The following PRKG2 variants were observed in gnomAD, a reference collection of about 807,000 sequenced individuals.
PRKG2 encodes the protein protein kinase cGMP-dependent 2, also known as cGMP-dependent protein kinase 2.
Under a neutral mutation model 97.2 loss-of-function variants are expected in PRKG2, and 33 were observed. That is an observed-to-expected ratio of 0.34 (90% CI 0.26 to 0.45). The LOEUF is 0.45. PRKG2 is among the 20% of genes least tolerant of loss of function. The probability of loss-of-function intolerance (pLI) is 1.00; values close to 1 mark genes in which losing one functional copy is unlikely to be tolerated. For missense variants in PRKG2, 638 were observed against 900.0 expected (o/e 0.71, Z 3.73); for synonymous variants, 330 against 321.8 (o/e 1.03, Z -0.27).
In PRKG2 at chr4:81,204,973, A is replaced by G. The variant is rs1348279069; in HGVS notation, c.75T>C (p.Ala25=). ...DGHSGNLTTD[A]LRNKVTELER... is the part of the protein sequence containing the mutation. ...CCAGCTCTGTCACCTTGTTCCGCAG[A>G]GCATCAGTGGTGAGGTTCCCAGAGT... The change falls in exon 2 of 19, where the codon GCT becomes GCC. Residue 25 remains alanine (A), a synonymous_variant. Transcript: ENST00000264399. 6.8e-6 allele frequency: 11 copies of G among 1,613,944 alleles called. No individual in the cohort carries two copies. The highest frequency in any genetic ancestry group is 9.3e-6 in the Non-Finnish European group (11 of 1,180,022).
At chr4:81,126,447 G>T (rs13164824) in intron 14 of PRKG2, among the ~76,000 whole-genome samples, 4 of 152,156 alleles carry the variant, frequency 2.6e-5, no homozygotes, top group African/African-American at 9.7e-5. Context: ...TTGAGGAATC[G>T]CCATACTGTC....
intron 9 of PRKG2, among the ~76,000 whole-genome samples, chr4:81,148,135 T>C (rs1251381974): frequency 1.6e-4 from 24 of 152,200 alleles, no homozygotes; most frequent in Admixed American, 1.6e-3. Context: ...GTCAACTATA[T>C]ACTACCTTGT....
intron 14 of PRKG2, among the ~76,000 whole-genome samples, chr4:81,120,185 T>C (rs1024689565): frequency 3.9e-5 from 6 of 152,206 alleles, no homozygotes; most frequent in Non-Finnish European, 5.9e-5. Flanking sequence ...TGCTGAATGT[T>C]CAAACTGTGT....
chr4:81,161,513 A>C (rs1452347494), intron 6 of PRKG2, among the ~76,000 whole-genome samples: 2 of 152,176 alleles, frequency 1.3e-5, no homozygotes, highest in African/African-American at 2.4e-5. Flanking sequence ...ATGGAGCTCA[A>C]GGTATCAATA....
chr4:81,090,173 T>C (rs1741401767), intron 18 of PRKG2, among the ~76,000 whole-genome samples: 1 of 152,102 alleles, frequency 6.6e-6, no homozygotes, highest in Non-Finnish European at 1.5e-5. Context: ...GCCTGGCCAA[T>C]GTGGTGAAAC....
intron 2 of PRKG2, among the ~76,000 whole-genome samples, chr4:81,196,944 G>A (rs1374410221): frequency 4.6e-5 from 7 of 152,124 alleles, no homozygotes; most frequent in African/African-American, 1.4e-4. Context: ...CACAAAGAAC[G>A]GACTTCCAAA....
intron 17 of PRKG2, among the ~76,000 whole-genome samples, chr4:81,097,323 C>T (rs527601325): frequency 6.6e-5 from 10 of 152,186 alleles, no homozygotes; most frequent in East Asian, 1.9e-4. Flanking sequence ...TATTTTATTC[C>T]GAGCAGGAGG....
At chr4:81,089,937 T>C in intron 18 of PRKG2, 134 bp from the exon 19 acceptor site, 1 of 687,820 alleles carries the variant, frequency 1.5e-6, no homozygotes, top group Middle Eastern at 3.9e-4. Context: ...AAGAAAAAAA[T>C]GACCAATTAT....
intron 1 of PRKG2, among the ~76,000 whole-genome samples, chr4:81,207,346 A>C (rs1006067802): frequency 7.2e-5 from 11 of 152,194 alleles, no homozygotes; most frequent in African/African-American, 2.7e-4. Context: ...TGGTAGGAGG[A>C]AAAGGATTTG....
chr4:81,161,970 A>G (rs1038802864), intron 6 of PRKG2, among the ~76,000 whole-genome samples: 3 of 152,138 alleles, frequency 2.0e-5, no homozygotes, highest in Non-Finnish European at 2.9e-5. Flanking sequence ...GCCTACCACA[A>G]TAAGCCAATG....
At chr4:81,190,430 C>T (rs142477039) in intron 2 of PRKG2, among the ~76,000 whole-genome samples, 613 of 152,222 alleles carry the variant, frequency 4.0e-3, no homozygotes, top group African/African-American at 0.014. Flanking sequence ...AAAACTTATA[C>T]AAAAAGTAAC....
rs1750288647 is a variant in PRKG2 at position 81,169,665 on chromosome 4, T to G, written c.846A>C (p.Arg282Ser). Residue 282 changes from arginine to serine, a missense_variant and splice_region_variant, in exon 5 of 19, where the codon AGA becomes AGC. Arg to Ser is a moderately radical substitution (Grantham distance 110, BLOSUM62 -1). Transcript: ENST00000264399. ...ARDEQYRNFL[R>S]SVSLLKNLPE... ...GTCTCCCAATGTATTATTCTTACCT[T>G]CTGAGGAAGTTTCTGTATTGTTCAT... 1.3e-6 allele frequency: 2 copies of G among 1,585,154 alleles called. No individual in the cohort carries two copies. Among genetic ancestry groups the G allele is most frequent in the Non-Finnish European group, 8.6e-7 (1 of 1,156,384 alleles).
At chr4:81,137,515 G>C in intron 12 of PRKG2, 33 bp from the exon 13 acceptor site, 2 of 1,532,872 alleles carry the variant, frequency 1.3e-6, no homozygotes, top group Non-Finnish European at 1.8e-6. Flanking sequence ...GGTTATTATT[G>C]GAAATCTAGT....
chr4:81,150,715 T>G (rs1317775239), intron 8 of PRKG2, among the ~76,000 whole-genome samples: 1 of 152,154 alleles, frequency 6.6e-6, no homozygotes, highest in Non-Finnish European at 1.5e-5. Context: ...ATTTATAAAG[T>G]GCTGTGCACT....
rs566936460 is a variant in PRKG2 at position 81,144,363 on chromosome 4, G to T, written c.1155-33C>A. 1.4e-5 allele frequency: 21 copies of T among 1,535,356 alleles called. No individual in the cohort carries two copies. In the South Asian group the frequency reaches 2.4e-4, roughly 17 times the overall value. ...GATAGAATAAAGTAAAATGCTCCGT[G>T]CTGATAGTTACCAAGGCAACTTGAC... On this transcript the variant is annotated intron_variant, in intron 9 of 18. Coordinates refer to ENST00000264399, the MANE Select transcript of PRKG2 (RefSeq NM_006259.3).
chr4:81,101,911 T>G (rs1375255889), intron 17 of PRKG2, among the ~76,000 whole-genome samples: 3 of 152,162 alleles, frequency 2.0e-5, no homozygotes, highest in Non-Finnish European at 4.4e-5. Flanking sequence ...CTACGCAGCT[T>G]AAAGACTTGT....
rs1206960037 is a variant in PRKG2, at chr4:81,151,942, T to A, written c.1085+18A>T. 1 of 1,562,566 alleles carries A rather than the reference T, an allele frequency of 6.4e-7. No homozygotes were observed. Among genetic ancestry groups the A allele is most frequent in the Non-Finnish European group, 8.8e-7 (1 of 1,136,546 alleles). ...GAAGCATTTTATCCAAAGTATGGCATATAATTCATGAATTCACCTGATAAG... is the reference window on the plus strand; with the variant it reads ...GAAGCATTTTATCCAAAGTATGGCAAATAATTCATGAATTCACCTGATAAG... On this transcript the variant is annotated intron_variant, in intron 8 of 18. Coordinates refer to ENST00000264399, the MANE Select transcript of PRKG2 (RefSeq NM_006259.3).
At chr4:81,111,834 C>T (rs1578357935) in intron 14 of PRKG2, among the ~76,000 whole-genome samples, 1 of 152,170 alleles carries the variant, frequency 6.6e-6, no homozygotes, top group African/African-American at 2.4e-5. Flanking sequence ...TACTTTTCAT[C>T]TCCAATATAT....
chr4:81,171,043 C>T (rs1277627700), intron 4 of PRKG2, among the ~76,000 whole-genome samples: 1 of 151,960 alleles, frequency 6.6e-6, no homozygotes, highest in Non-Finnish European at 1.5e-5. Flanking sequence ...GATACACATG[C>T]AAGACATGCA....
Sources: allele counts gnomAD v4.1 joint callset (sites outside exome capture counted in the v4.1 genomes callset), GRCh38; gene constraint gnomAD v4.1.1; transcripts MANE v1.5; gene names NCBI Gene and HGNC (gene_info 2026-07-23, HGNC 2026-07-21).